ENTPD4: variants seen among roughly 807,000 people sequenced by gnomAD.
ENTPD4 encodes the protein Golgi UDPase.
ENTPD4 carries 60 observed loss-of-function variants against 79.1 expected under a neutral mutation model. That is an observed-to-expected ratio of 0.76 (90% CI 0.62 to 0.94). ENTPD4 has a LOEUF of 0.94. ENTPD4 is among the 40% of genes least tolerant of loss of function. The pLI, the probability that ENTPD4 is intolerant of heterozygous loss-of-function variation, is 0.00. For synonymous variants in ENTPD4, 276 were observed against 292.0 expected, an observed-to-expected ratio of 0.95 and a Z score of 0.56; for missense variants, 772 against 775.1, an observed-to-expected ratio of 1.00 and a Z score of 0.05.
At chr8:23,435,286 G>C (rs1413472856) in intron 11 of ENTPD4, 106 bp downstream of exon 11, 2 of 710,724 alleles carry the variant, frequency 2.8e-6, no homozygotes, top group African/African-American at 1.8e-5. Flanking sequence ...GGGAAGAACA[G>C]TGAGTGAGAA....
intron 11 of ENTPD4, chr8:23,434,846 G>A (rs1222348670): frequency 2.5e-6 from 1 of 401,014 alleles, no homozygotes; most frequent in Admixed American, 4.9e-5. Context: ...ATGGTAGGAA[G>A]GTTCTCTTCA....
At chr8:23,456,465 C>A (rs141022119) in intron 1 of ENTPD4, among the ~76,000 whole-genome samples, 1 of 152,176 alleles carries the variant, frequency 6.6e-6, no homozygotes, top group African/African-American at 2.4e-5. Flanking sequence ...TGAGTAAATA[C>A]GTAGAGAATA....
chr8:23,442,917 C>T lies in ENTPD4; in HGVS notation c.668-851G>A, dbSNP rs58055245. 6.0e-3 allele frequency among the ~76,000 whole-genome samples: 912 copies of T among 152,200 alleles called. 11 individuals carry two copies. Among genetic ancestry groups the T allele is most frequent in the African/African-American group, 0.021 (856 of 41,516 alleles). On this transcript the variant is annotated intron_variant, in intron 6 of 12. Transcript: ENST00000358689. ...CCTGGACTGACAATTCAAGAGCCAG[C>T]CAACTGTTAACATTCCCGCCACTCC...
rs573893626 is a variant in ENTPD4 at position 23,430,077 on chromosome 8, C to A, written c.*2849G>T. 1 of 985,418 alleles carries A rather than the reference C, an allele frequency of 1.0e-6. No homozygotes were observed. Among genetic ancestry groups the A allele is most frequent in the South Asian group, 4.7e-5 (1 of 21,286 alleles). 61.0% of individuals were successfully genotyped at this position (985,418 alleles called of 1,614,324 possible). A position where few individuals can be genotyped will look rare whatever the true frequency, so the allele number is the denominator to read the frequency against. On this transcript the variant is annotated 3_prime_UTR_variant, in exon 13 of 13. Transcript: ENST00000358689. ...GCTACAAGTACACAGAATTTACTGC[C>A]TTCTTGGTCAGCTCTTGGTATGAAT...
At chr8:23,450,784 C>T (rs1419457583) in intron 1 of ENTPD4, among the ~76,000 whole-genome samples, 5 of 152,158 alleles carry the variant, frequency 3.3e-5, no homozygotes, top group African/African-American at 9.7e-5. Context: ...CCACCCCAGG[C>T]TTCTCTTCTA....
chr8:23,430,273 A>T lies in ENTPD4; in HGVS notation c.*2653T>A, dbSNP rs1387233183. 1 of 985,266 alleles carries T rather than the reference A, an allele frequency of 1.0e-6. No homozygotes were observed. Among genetic ancestry groups the T allele is most frequent in the Non-Finnish European group, 1.2e-6 (1 of 829,936 alleles). The allele number at this position is 985,266 out of a possible 1,614,324, so 61.0% of individuals were successfully genotyped here. On this transcript the variant is annotated 3_prime_UTR_variant, in exon 13 of 13. Transcript: ENST00000358689. The stretch of plus-strand genomic sequence containing the variant: ...AACTCCCTTGAGTGGTCTCTTTTTA[A>T]ACAATTTTGGGTGAGGGGCAGGTTT...
chr8:23,448,593 C>G, intron 3 of ENTPD4, 149 bp downstream of exon 3: 1 of 651,692 alleles, frequency 1.5e-6, no homozygotes, highest in East Asian at 2.7e-5. Context: ...GCACCTTGAT[C>G]GTGGATTTCC....
chr8:23,436,254 C>T (rs1415502645), intron 10 of ENTPD4, among the ~76,000 whole-genome samples: 1 of 152,160 alleles, frequency 6.6e-6, no homozygotes, highest in African/African-American at 2.4e-5. Context: ...GATAAAATAC[C>T]ACACTTGTGA....
rs978205426 is a variant in ENTPD4, at chr8:23,440,417, GA to G, written c.883-503del. On this transcript the variant is annotated intron_variant, in intron 8 of 12. Transcript: ENST00000358689. ...ACCATATTTTTTAAAACTATGAGTA[GA>G]AAAAAAAAGAAATTCACTAAAAGGC... 8.2e-4 allele frequency among the ~76,000 whole-genome samples: 124 copies of G among 150,878 alleles called. 3 individuals carry two copies. The East Asian group carries it at 0.018, about 22-fold the overall frequency.
Position 23,431,880 on chromosome 8 carries a change from G to C in ENTPD4, c.*1046C>G. 1.0e-6 allele frequency: 1 copy of C among 985,324 alleles called. No individual in the cohort carries two copies. Among genetic ancestry groups the C allele is most frequent in the Non-Finnish European group, 1.2e-6 (1 of 829,870 alleles). The allele number at this position is 985,324 out of a possible 1,614,324, so 61.0% of individuals were successfully genotyped here. ...ATGCCACTGAAATATGGAATAAGGA[G>C]CGTAATTACCTGCGGTCAGGAAAAG... On this transcript the variant is annotated 3_prime_UTR_variant, in exon 13 of 13. Coordinates refer to ENST00000358689, the MANE Select transcript of ENTPD4 (RefSeq NM_004901.5).
intron 1 of ENTPD4, among the ~76,000 whole-genome samples, chr8:23,455,257 C>T (rs1177336654): frequency 6.6e-6 from 1 of 152,216 alleles, no homozygotes; most frequent in Admixed American, 6.5e-5. Context: ...CAAACAAAAT[C>T]ACAGAGAAGT....
intron 9 of ENTPD4, among the ~76,000 whole-genome samples, chr8:23,438,712 C>T (rs769076714): frequency 2.0e-4 from 31 of 152,048 alleles, no homozygotes; most frequent in Non-Finnish European, 3.7e-4. Flanking sequence ...AATGATTATA[C>T]CAAAATGTGC....
At position 23,436,780 on chromosome 8, in the gene ENTPD4, TC is replaced by T. The variant is rs566696086; in HGVS notation, c.1374+153del. ...TTACTTCTGCTGTGACTATTCAACC[TC>T]CCTCCAAGCAAAGGGAACAGGATCC... is the stretch of plus-strand genomic sequence containing the variant. On this transcript the variant is annotated intron_variant, in intron 10 of 12. Transcript: ENST00000358689. Among the ~76,000 whole-genome samples, 852 of 152,276 alleles carry T rather than the reference TC, an allele frequency of 5.6e-3. 7 individuals carry two copies. Among genetic ancestry groups the T allele is most frequent in the African/African-American group, 0.019 (796 of 41,556 alleles).
At chr8:23,434,546 C>T (rs1800521735) in intron 11 of ENTPD4, 68 bp from the exon 12 acceptor site, 5 of 1,589,022 alleles carry the variant, frequency 3.1e-6, no homozygotes, top group Middle Eastern at 1.7e-4. Context: ...CACACACACA[C>T]ACACACAATC....
rs1388950651 is a variant in ENTPD4, at chr8:23,432,361, C to A, written c.*565G>T. 1 of 985,474 alleles carries A rather than the reference C, an allele frequency of 1.0e-6. No homozygotes were observed. Among genetic ancestry groups the A allele is most frequent in the African/African-American group, 1.7e-5 (1 of 57,198 alleles). The allele number at this position is 985,474 out of a possible 1,614,324, so 61.0% of individuals were successfully genotyped here. On this transcript the variant is annotated 3_prime_UTR_variant, in exon 13 of 13. Coordinates refer to ENST00000358689, the MANE Select transcript of ENTPD4 (RefSeq NM_004901.5). The stretch of plus-strand genomic sequence containing the variant: ...TTAAATTTAACATTCCTTAGAGAAA[C>A]CCCAGAAATCTCATTTATTTTTGGC...
chr8:23,431,456 A>G lies in ENTPD4; in HGVS notation c.*1470T>C, dbSNP rs1800452235. ...TCTCAACTAAATAAATAGGTGAAAAAACACCAATCTCACATATGCCAATCC... is the reference window on the plus strand; with the variant it reads ...TCTCAACTAAATAAATAGGTGAAAAGACACCAATCTCACATATGCCAATCC... On this transcript the variant is annotated 3_prime_UTR_variant, in exon 13 of 13. Transcript: ENST00000358689. The G allele has an allele frequency of 1.0e-6, 1 of 985,306 alleles. No individual in the cohort carries two copies. Among genetic ancestry groups the G allele is most frequent in the Non-Finnish European group, 1.2e-6 (1 of 829,934 alleles). The allele number at this position is 985,306 out of a possible 1,614,324, so 61.0% of individuals were successfully genotyped here. A position where few individuals can be genotyped will look rare whatever the true frequency, so the allele number is the denominator to read the frequency against.
Position 23,449,942 on chromosome 8 carries a change from C to T in ENTPD4, c.-42G>A, listed in dbSNP as rs1386689756. 4 of 1,613,756 alleles carry T rather than the reference C, an allele frequency of 2.5e-6. No individual in the cohort carries two copies. In the Admixed American group the frequency reaches 5.0e-5, roughly 20 times the overall value. ...CAAGGCAATGCTCTGGGATTCAGTC[C>T]TTCTCACAAACAATTATAGAAATAA... On this transcript the variant is annotated 5_prime_UTR_variant, in exon 2 of 13. Coordinates refer to ENST00000358689, the MANE Select transcript of ENTPD4 (RefSeq NM_004901.5).
At chr8:23,433,639 A>C (rs1179292163) in intron 12 of ENTPD4, among the ~76,000 whole-genome samples, 3 of 152,326 alleles carry the variant, frequency 2.0e-5, no homozygotes, top group African/African-American at 7.2e-5. Flanking sequence ...GGAAAAACGC[A>C]CATCTTTGTT....
chr8:23,455,853 C>G (rs187833889), intron 1 of ENTPD4, among the ~76,000 whole-genome samples: 40 of 152,322 alleles, frequency 2.6e-4, no homozygotes, highest in African/African-American at 9.1e-4. Context: ...CCCCATTGAC[C>G]TGGATTACCT....
Sources: allele counts gnomAD v4.1 joint callset (sites outside exome capture counted in the v4.1 genomes callset), GRCh38; gene constraint gnomAD v4.1.1; transcripts MANE v1.5; gene names NCBI Gene and HGNC (gene_info 2026-07-23, HGNC 2026-07-21).